SLIT3: variants seen among roughly 807,000 people sequenced by gnomAD.
SLIT3 encodes slit guidance ligand 3.
In SLIT3, 68 loss-of-function variants were observed where a neutral mutation model predicts 184.0. The observed-to-expected ratio is 0.37, with a 90% CI of 0.30 to 0.45. The LOEUF is 0.45. SLIT3 is among the 20% of genes least tolerant of loss of function. The pLI, the probability that SLIT3 is intolerant of heterozygous loss-of-function variation, is 1.00. For missense variants in SLIT3, 1,707 were observed against 2,026.0 expected, an observed-to-expected ratio of 0.84 and a Z score of 3.02; for synonymous variants, 831 against 828.6, an observed-to-expected ratio of 1.00 and a Z score of -0.05.
chr5:169,153,657 T>A (rs957901268), intron 4 of SLIT3, among the ~76,000 whole-genome samples: 5 of 152,264 alleles, frequency 3.3e-5, no homozygotes, highest in African/African-American at 1.2e-4. Context: ...GGGCTTGTCC[T>A]AAATCAGCAC....
At chr5:169,011,743 C>T (rs746454742) in intron 4 of SLIT3, among the ~76,000 whole-genome samples, 7 of 152,120 alleles carry the variant, frequency 4.6e-5, no homozygotes, top group African/African-American at 7.2e-5. Context: ...AAAAGTAACC[C>T]GATGTTATTG....
At chr5:168,968,783 G>A (rs1754442488) in intron 4 of SLIT3, among the ~76,000 whole-genome samples, 1 of 152,126 alleles carries the variant, frequency 6.6e-6, no homozygotes, top group South Asian at 2.1e-4. Flanking sequence ...TGAAACTCAG[G>A]AAAATTTAAA....
At chr5:168,786,263 T>C (rs979113734) in intron 11 of SLIT3, among the ~76,000 whole-genome samples, 27 of 152,248 alleles carry the variant, frequency 1.8e-4, no homozygotes, top group African/African-American at 6.3e-4. Flanking sequence ...AGCGGTCTCT[T>C]TGTGGTATCT....
At chr5:168,860,573 C>G (rs1298545329) in intron 5 of SLIT3, among the ~76,000 whole-genome samples, 2 of 152,066 alleles carry the variant, frequency 1.3e-5, no homozygotes, top group Non-Finnish European at 2.9e-5. Flanking sequence ...CCTCCCAGAG[C>G]TAGCTCATTC....
chr5:169,000,829 C>T (rs1396207299), intron 4 of SLIT3, among the ~76,000 whole-genome samples: 1 of 152,280 alleles, frequency 6.6e-6, no homozygotes, highest in East Asian at 1.9e-4. Flanking sequence ...GACCCGACAA[C>T]CTATTCTTGA....
intron 4 of SLIT3, among the ~76,000 whole-genome samples, chr5:168,921,095 C>A (rs901324329): frequency 1.3e-5 from 2 of 152,000 alleles, no homozygotes; most frequent in Admixed American, 1.3e-4. Context: ...CCCTCAAAAT[C>A]GGTATTTGGA....
At chr5:169,234,663 C>T (rs1318542832) in intron 3 of SLIT3, among the ~76,000 whole-genome samples, 1 of 152,122 alleles carries the variant, frequency 6.6e-6, no homozygotes, top group African/African-American at 2.4e-5. Flanking sequence ...CTACCTCAGC[C>T]TCCCAAAGTG....
chr5:168,717,132 G>A (rs1351806582), intron 23 of SLIT3, among the ~76,000 whole-genome samples: 1 of 120,880 alleles, frequency 8.3e-6, no homozygotes, highest in African/African-American at 3.4e-5. Context: ...GGAAGCACAA[G>A]TTAAGAGGAG....
intron 1 of SLIT3, among the ~76,000 whole-genome samples, chr5:169,257,911 T>C (rs915208246): frequency 1.3e-5 from 2 of 152,156 alleles, no homozygotes; most frequent in Non-Finnish European, 2.9e-5. Flanking sequence ...GTAATCTTAC[T>C]TCAACGAATT....
chr5:169,279,569 G>C (rs1448014312), intron 1 of SLIT3, among the ~76,000 whole-genome samples: 1 of 152,086 alleles, frequency 6.6e-6, no homozygotes, highest in Admixed American at 6.6e-5. Context: ...TCTAACAAAA[G>C]TGCCAATTCC....
intron 31 of SLIT3, 121 bp from the exon 32 acceptor site, chr5:168,684,217 G>A: frequency 1.9e-6 from 2 of 1,065,784 alleles, no homozygotes; most frequent in Non-Finnish European, 1.3e-6. Flanking sequence ...CTAAATTCAT[G>A]TCCATCTTTC....
intron 9 of SLIT3, 70 bp downstream of exon 9, chr5:168,806,376 G>A: frequency 6.4e-7 from 1 of 1,565,418 alleles, no homozygotes. Flanking sequence ...GGCCTAGTGG[G>A]TGATGGGCTG....
chr5:169,063,467 G>C (rs1351593689), intron 4 of SLIT3, among the ~76,000 whole-genome samples: 1 of 152,210 alleles, frequency 6.6e-6, no homozygotes, highest in Non-Finnish European at 1.5e-5. Context: ...GGTAGGGACA[G>C]ATTTCCTGGA....
At chr5:169,049,898 C>T (rs901576601) in intron 4 of SLIT3, among the ~76,000 whole-genome samples, 5 of 152,118 alleles carry the variant, frequency 3.3e-5, no homozygotes, top group Admixed American at 6.5e-5. Context: ...CCAAGAAATG[C>T]CACTATAAGC....
intron 7 of SLIT3, among the ~76,000 whole-genome samples, chr5:168,819,204 G>A (rs1025559535): frequency 2.0e-5 from 3 of 152,228 alleles, no homozygotes; most frequent in Non-Finnish European, 2.9e-5. Context: ...AGGGGTTGGC[G>A]AACCAGAATC....
intron 32 of SLIT3, among the ~76,000 whole-genome samples, chr5:168,675,077 G>A (rs1198022129): frequency 1.3e-5 from 2 of 152,180 alleles, no homozygotes; most frequent in South Asian, 2.1e-4. Context: ...TCTTTCCAGC[G>A]CTCCACCCTC....
chr5:169,193,275 C>T (rs950841270), intron 4 of SLIT3, among the ~76,000 whole-genome samples: 3 of 152,184 alleles, frequency 2.0e-5, no homozygotes, highest in Non-Finnish European at 4.4e-5. Context: ...TCATGCAAGC[C>T]GCTGATGTCT....
At chr5:169,121,451 A>G (rs184102590) in intron 4 of SLIT3, among the ~76,000 whole-genome samples, 134 of 152,186 alleles carry the variant, frequency 8.8e-4, no homozygotes, top group African/African-American at 3.1e-3. Context: ...CCTGAACCCA[A>G]TATCCTGCCT....
chr5:168,898,937 G>T (rs1760775770), intron 4 of SLIT3, among the ~76,000 whole-genome samples: 1 of 152,174 alleles, frequency 6.6e-6, no homozygotes, highest in Non-Finnish European at 1.5e-5. Flanking sequence ...AAAGAAAACA[G>T]GGTATAAGGT....
Sources: gnomAD v4.1 joint callset for allele counts (sites outside exome capture counted in the v4.1 genomes callset) on GRCh38, gnomAD v4.1.1 for gene constraint, MANE v1.5 for transcripts, NCBI Gene and HGNC (gene_info 2026-07-23, HGNC 2026-07-21) for gene names.